The following CNTN5 variants were observed in gnomAD, a reference collection of about 807,000 sequenced individuals.
The protein encoded by CNTN5 is contactin 5, also known as contactin-5.
In CNTN5, 77 loss-of-function variants were observed where a neutral mutation model predicts 129.1. That is an observed-to-expected ratio of 0.60 (90% CI 0.50 to 0.72). The LOEUF is 0.72. Among genes scored for constraint, CNTN5 ranks in the 30% least tolerant of loss-of-function variants. The pLI is 0.00. For missense variants in CNTN5, 1,478 were observed against 1,328.8 expected, an observed-to-expected ratio of 1.11 and a Z score of -1.75; for synonymous variants, 509 against 465.6, an observed-to-expected ratio of 1.09 and a Z score of -1.20.
chr11:99,134,764 A>G lies in CNTN5; in HGVS notation c.-210+113494A>G, dbSNP rs17133120. 8.4e-3 allele frequency among the ~76,000 whole-genome samples: 1,286 copies of G among 152,332 alleles called. 21 individuals are homozygous for G. Among genetic ancestry groups the G allele is most frequent in the African/African-American group, 0.029 (1,194 of 41,570 alleles). On this transcript the variant is annotated intron_variant, in intron 1 of 24. Transcript: ENST00000524871. ...TCAAACAAAACAAAATAAATTATGT[A>G]TGAAAACGCTATATTGTGGAACAAT... is the stretch of plus-strand genomic sequence containing the variant.
chr11:99,079,504 G>T (rs1442199056), intron 1 of CNTN5, among the ~76,000 whole-genome samples: 1 of 152,140 alleles, frequency 6.6e-6, no homozygotes, highest in Non-Finnish European at 1.5e-5. Context: ...GGGGCCAAAA[G>T]TACAGAAAGT....
At chr11:100,030,262 C>A (rs540124642) in intron 9 of CNTN5, among the ~76,000 whole-genome samples, 1 of 152,118 alleles carries the variant, frequency 6.6e-6, no homozygotes, top group Non-Finnish European at 1.5e-5. Flanking sequence ...ATCTGTAGTT[C>A]CAGCTACCCA....
In CNTN5 at chr11:99,732,729, G is replaced by A. The variant is rs1313937462; in HGVS notation, c.56-86815G>A. Among the ~76,000 whole-genome samples, 3 of 152,078 alleles carry A rather than the reference G, an allele frequency of 2.0e-5. No individual in the cohort carries two copies. In the East Asian group the frequency reaches 5.8e-4, roughly 29 times the overall value. ...TTAGGGTTTGATTTATGTAAAGTGG[G>A]AATCACTGAAAACATTTTAGTAAGA... is the stretch of plus-strand genomic sequence containing the variant. On this transcript the variant is annotated intron_variant, in intron 3 of 24. Coordinates refer to ENST00000524871, the MANE Select transcript of CNTN5 (RefSeq NM_014361.4).
At chr11:100,330,221 G>T (rs1030817941) in intron 21 of CNTN5, among the ~76,000 whole-genome samples, 3 of 152,142 alleles carry the variant, frequency 2.0e-5, no homozygotes, top group African/African-American at 7.2e-5. Context: ...AAAAGCAGAG[G>T]AAAGAACTCT....
chr11:99,195,423 T>A (rs1008876073), intron 1 of CNTN5, among the ~76,000 whole-genome samples: 4 of 152,148 alleles, frequency 2.6e-5, no homozygotes, highest in Non-Finnish European at 5.9e-5. Context: ...GTCCTCTTTA[T>A]TTTTCAAAAT....
At chr11:99,085,032 A>AT (rs1181947332) in intron 1 of CNTN5, among the ~76,000 whole-genome samples, 2 of 151,700 alleles carry the variant, frequency 1.3e-5, no homozygotes, top group Admixed American at 1.3e-4. Context: ...AGAAAGTTAC[A>AT]TATTCACTAG....
intron 2 of CNTN5, among the ~76,000 whole-genome samples, chr11:99,379,241 A>G (rs1940375448): frequency 6.7e-6 from 1 of 149,658 alleles, no homozygotes; most frequent in African/African-American, 2.4e-5. Context: ...TCTACTAAAT[A>G]TGAAAATATT....
intron 3 of CNTN5, among the ~76,000 whole-genome samples, chr11:99,650,444 A>G (rs1952112692): frequency 6.6e-6 from 1 of 151,956 alleles, no homozygotes. Context: ...TCTCTGCTAC[A>G]TGAGTAAGAC....
At position 99,513,366 on chromosome 11, in the gene CNTN5, C is replaced by T. The variant is rs11220258; in HGVS notation, c.-70-42779C>T. ...TGACATAGAAGCTGCAGCAAGTCATCCAGAAGATCTAGTTAAGATCGTTGA... is the reference window on the plus strand; with the variant it reads ...TGACATAGAAGCTGCAGCAAGTCATTCAGAAGATCTAGTTAAGATCGTTGA... On this transcript the variant is annotated intron_variant, in intron 2 of 24. Coordinates refer to ENST00000524871, the MANE Select transcript of CNTN5 (RefSeq NM_014361.4). Among the ~76,000 whole-genome samples, 1,072 of 152,212 alleles carry T rather than the reference C, an allele frequency of 7.0e-3. 12 individuals are homozygous for T. Among genetic ancestry groups the T allele is most frequent in the African/African-American group, 0.024 (983 of 41,542 alleles).
chr11:99,192,951 A>G (rs1431916464), intron 1 of CNTN5, among the ~76,000 whole-genome samples: 1 of 152,094 alleles, frequency 6.6e-6, no homozygotes, highest in Non-Finnish European at 1.5e-5. Context: ...GCATTTGTGT[A>G]TTGTACATAA....
intron 2 of CNTN5, among the ~76,000 whole-genome samples, chr11:99,535,803 T>TA (rs892808100): frequency 6.6e-6 from 1 of 152,152 alleles, no homozygotes; most frequent in South Asian, 2.1e-4. Context: ...TTTTTTTTGG[T>TA]AAAAAAATCT....
intron 1 of CNTN5, among the ~76,000 whole-genome samples, chr11:99,086,357 TAA>T (rs1478820462): frequency 6.6e-6 from 1 of 152,194 alleles, no homozygotes; most frequent in Non-Finnish European, 1.5e-5. Flanking sequence ...GGGTAATTTA[TAA>T]AGAGGTTTAA....
At chr11:99,508,484 G>A (rs1182089593) in intron 2 of CNTN5, among the ~76,000 whole-genome samples, 3 of 152,066 alleles carry the variant, frequency 2.0e-5, no homozygotes, top group Admixed American at 2.0e-4. Context: ...ACTGAGTGCT[G>A]GCTGTACTAC....
At chr11:99,339,107 C>T (rs1866393471) in intron 2 of CNTN5, among the ~76,000 whole-genome samples, 1 of 151,250 alleles carries the variant, frequency 6.6e-6, no homozygotes, top group Non-Finnish European at 1.5e-5. Flanking sequence ...GTGCCTATTT[C>T]ACATTGCATG....
At chr11:99,976,160 C>G (rs1422579662) in intron 8 of CNTN5, among the ~76,000 whole-genome samples, 1 of 152,226 alleles carries the variant, frequency 6.6e-6, no homozygotes, top group Non-Finnish European at 1.5e-5. Context: ...GACTCCACGT[C>G]TCACATCCAG....
chr11:99,367,019 G>C (rs61891990), intron 2 of CNTN5, among the ~76,000 whole-genome samples: 1 of 152,060 alleles, frequency 6.6e-6, no homozygotes, highest in Non-Finnish European at 1.5e-5. Context: ...GTTTTTGATA[G>C]AATAGAATCA....
At chr11:99,308,378 G>A (rs934404373) in intron 1 of CNTN5, among the ~76,000 whole-genome samples, 3 of 152,108 alleles carry the variant, frequency 2.0e-5, no homozygotes, top group Admixed American at 1.3e-4. Flanking sequence ...AAGAAGTGAA[G>A]GGCTAACTTT....
intron 3 of CNTN5, among the ~76,000 whole-genome samples, chr11:99,663,336 T>A (rs1377891283): frequency 6.6e-6 from 1 of 152,006 alleles, no homozygotes; most frequent in African/African-American, 2.4e-5. Context: ...AGCGTGTTCA[T>A]GGGTGCCTAT....
chr11:100,061,137 T>TA, intron 9 of CNTN5, 75 bp from the exon 10 acceptor site: 1 of 1,259,324 alleles, frequency 7.9e-7, no homozygotes, highest in Non-Finnish European at 1.1e-6. Flanking sequence ...ATTAAGTGCT[T>TA]AAATTACCAG....
Sources: allele counts gnomAD v4.1 joint callset (sites outside exome capture counted in the v4.1 genomes callset), GRCh38; gene constraint gnomAD v4.1.1; transcripts MANE v1.5; gene names NCBI Gene and HGNC (gene_info 2026-07-23, HGNC 2026-07-21).